Variants in ABHD12B observed in about 807,000 individuals in gnomAD.
ABHD12B encodes the protein abhydrolase domain containing 12B.
Under a neutral mutation model 50.4 loss-of-function variants are expected in ABHD12B, and 42 were observed. The observed-to-expected ratio is 0.83, with a 90% CI of 0.65 to 1.08. ABHD12B has a LOEUF of 1.08. Among genes scored for constraint, ABHD12B ranks in the 50% least tolerant of loss-of-function variants. The pLI, the probability that ABHD12B is intolerant of heterozygous loss-of-function variation, is 0.00. For synonymous variants in ABHD12B, 167 were observed against 160.3 expected, an observed-to-expected ratio of 1.04 and a Z score of -0.32; for missense variants, 479 against 447.7, an observed-to-expected ratio of 1.07 and a Z score of -0.63.
intron 9 of ABHD12B, chr14:50,895,692 G>T (rs28876189): frequency 0.19 from 28,517 of 151,962 alleles, 3,385 homozygotes; most frequent in East Asian, 0.45. Flanking sequence ...CATCACAGAC[G>T]CCGAGCTTCC....
intron 4 of ABHD12B, 130 bp from the exon 5 acceptor site, chr14:50,881,462 GTTAT>G (rs1227644180): frequency 1.2e-6 from 1 of 862,600 alleles, no homozygotes; most frequent in Non-Finnish European, 1.7e-6. Context: ...CCTTCTCCTA[GTTAT>G]TTATTCCTCC....
intron 9 of ABHD12B, among the ~76,000 whole-genome samples, chr14:50,897,693 C>A (rs1337645804): frequency 1.3e-5 from 2 of 152,202 alleles, no homozygotes; most frequent in Non-Finnish European, 2.9e-5. Context: ...TCAAATCTGT[C>A]CTTGGCCACA....
intron 7 of ABHD12B, 60 bp from the exon 8 acceptor site, chr14:50,886,587 A>G: frequency 6.6e-7 from 1 of 1,507,838 alleles, no homozygotes; most frequent in Non-Finnish European, 9.1e-7. Flanking sequence ...TGCTCATACC[A>G]GAAGTTGCAT....
chr14:50,901,406 TTC>T (rs2050258573), intron 9 of ABHD12B, among the ~76,000 whole-genome samples: 1 of 152,242 alleles, frequency 6.6e-6, no homozygotes, highest in African/African-American at 2.4e-5. Context: ...AATGTTCAAA[TTC>T]TCTAAAATCA....
At chr14:50,880,903 C>T (rs868781561) in intron 4 of ABHD12B, among the ~76,000 whole-genome samples, 4 of 152,092 alleles carry the variant, frequency 2.6e-5, no homozygotes, top group Non-Finnish European at 5.9e-5. Flanking sequence ...GGAACAGGCA[C>T]GCATTATGGG....
In ABHD12B at chr14:50,904,790, C is replaced by G; in HGVS notation, c.*424C>G. On this transcript the variant is annotated 3_prime_UTR_variant, in exon 13 of 13. Transcript: ENST00000337334. Reference sequence around the variant, plus strand: ...TGAGCTCTGATGAATGAGATTAGTGCCCTTATAAATTATGACCAAAAGAGC... The same window carrying G: ...TGAGCTCTGATGAATGAGATTAGTGGCCTTATAAATTATGACCAAAAGAGC... The G allele has an allele frequency of 4.0e-6, 1 of 251,064 alleles. No individual in the cohort carries two copies. The allele number at this position is 251,064 out of a possible 1,614,324, so 15.6% of individuals were successfully genotyped here.
intron 8 of ABHD12B, among the ~76,000 whole-genome samples, chr14:50,888,013 T>C (rs982998572): frequency 1.3e-5 from 2 of 152,208 alleles, no homozygotes; most frequent in Middle Eastern, 3.2e-3. Flanking sequence ...GTATTGGTTC[T>C]GTAGTTTCTC....
chr14:50,879,375 G>T (rs1011330760), intron 3 of ABHD12B, among the ~76,000 whole-genome samples: 2 of 152,144 alleles, frequency 1.3e-5, no homozygotes, highest in African/African-American at 4.8e-5. Context: ...GTTAATATTT[G>T]TCTTCCTTAC....
intron 10 of ABHD12B, among the ~76,000 whole-genome samples, chr14:50,902,433 G>A (rs12590515): frequency 0.21 from 32,057 of 152,146 alleles, 3,844 homozygotes; most frequent in East Asian, 0.46. Flanking sequence ...GCAGTCAACT[G>A]TGATTGTGCC....
At chr14:50,896,788 TG>T (rs2050205863) in intron 9 of ABHD12B, among the ~76,000 whole-genome samples, 2 of 152,146 alleles carry the variant, frequency 1.3e-5, no homozygotes, top group Admixed American at 6.6e-5. Flanking sequence ...TGACTCTCTT[TG>T]CGGACTCAGC....
chr14:50,872,309 G>T, intron 1 of ABHD12B, 31 bp downstream of exon 1: 1 of 1,257,062 alleles, frequency 8.0e-7, no homozygotes, highest in African/African-American at 1.6e-5. Context: ...CCCTGGCCGG[G>T]CCCCGACGGC....
chr14:50,873,800 A>G (rs778768097), intron 1 of ABHD12B, among the ~76,000 whole-genome samples: 1 of 152,254 alleles, frequency 6.6e-6, no homozygotes, highest in Non-Finnish European at 1.5e-5. Flanking sequence ...TATTAGGCAG[A>G]GAATCAAAGT....
At chr14:50,892,496 G>A in intron 9 of ABHD12B, 6 of 985,424 alleles carry the variant, frequency 6.1e-6, no homozygotes, top group Non-Finnish European at 7.2e-6. Flanking sequence ...CGGGAGGATG[G>A]CGTAACCTCT....
At chr14:50,879,659 T>G (rs7147502) in intron 3 of ABHD12B, among the ~76,000 whole-genome samples, 149,639 of 152,340 alleles carry the variant, frequency 0.98, 73,536 homozygotes, top group Middle Eastern at 1. Context: ...TTCCTACTCT[T>G]CAGGGTACAG....
At chr14:50,898,961 G>A (rs978434246) in intron 9 of ABHD12B, among the ~76,000 whole-genome samples, 1 of 152,242 alleles carries the variant, frequency 6.6e-6, no homozygotes, top group African/African-American at 2.4e-5. Flanking sequence ...GGGAGGCCGA[G>A]ACGGGTGGAT....
Position 50,881,168 on chromosome 14 carries a change from A to C in ABHD12B, c.456-428A>C, listed in dbSNP as rs138455984. 3.8e-3 allele frequency among the ~76,000 whole-genome samples: 581 copies of C among 152,236 alleles called. 7 individuals carry two copies. The highest frequency in any genetic ancestry group is 0.013 in the African/African-American group (556 of 41,538). On this transcript the variant is annotated intron_variant, in intron 4 of 12. Transcript: ENST00000337334. ...TGGCTCCCCTTCGATGTGCTGTCAGAGCCTTTTTGGGCCTGTATGATTATG... is the reference window on the plus strand; with the variant it reads ...TGGCTCCCCTTCGATGTGCTGTCAGCGCCTTTTTGGGCCTGTATGATTATG...
intron 1 of ABHD12B, among the ~76,000 whole-genome samples, chr14:50,873,402 G>C (rs1249141530): frequency 6.6e-6 from 1 of 152,136 alleles, no homozygotes; most frequent in Non-Finnish European, 1.5e-5. Flanking sequence ...GTAGATATGG[G>C]TTTTCACTAC....
chr14:50,895,425 C>T (rs990442951), intron 9 of ABHD12B: 1 of 152,204 alleles, frequency 6.6e-6, no homozygotes, highest in Non-Finnish European at 1.5e-5. Flanking sequence ...TCCAGAACCT[C>T]CTCCCACAGG....
In ABHD12B at chr14:50,904,429, G is replaced by T; in HGVS notation, c.*63G>T. Reference sequence around the variant, plus strand: ...CCAAACACCACCTGTGATGTATATTGTTCTAATGTAAAATTGTACTGGGCT... The same window carrying T: ...CCAAACACCACCTGTGATGTATATTTTTCTAATGTAAAATTGTACTGGGCT... On this transcript the variant is annotated 3_prime_UTR_variant, in exon 13 of 13. Transcript: ENST00000337334. The T allele has an allele frequency of 6.2e-7, 1 of 1,606,124 alleles. No homozygotes were observed. The highest frequency in any genetic ancestry group is 1.1e-5 in the South Asian group (1 of 90,936).
Sources: gnomAD v4.1 joint callset for allele counts (sites outside exome capture counted in the v4.1 genomes callset) on GRCh38, gnomAD v4.1.1 for gene constraint, MANE v1.5 for transcripts, NCBI Gene and HGNC (gene_info 2026-07-23, HGNC 2026-07-21) for gene names.